DNAH9: variants seen among roughly 807,000 people sequenced by gnomAD.
DNAH9 encodes DNAH9 variant protein.
In DNAH9, 345 loss-of-function variants were observed where a neutral mutation model predicts 471.6. That is an observed-to-expected ratio of 0.73 (90% confidence interval 0.67 to 0.80). The LOEUF (loss-of-function observed/expected upper bound fraction) is 0.80. Among genes scored for constraint, DNAH9 ranks in the 30% least tolerant of loss-of-function variants. The pLI is 0.00. For synonymous variants in DNAH9, 2,093 were observed against 2,123.6 expected, an observed-to-expected ratio of 0.99 and a Z score of 0.40; for missense variants, 5,407 against 5,609.2, an observed-to-expected ratio of 0.96 and a Z score of 1.15.
chr17:11,769,413 C>T, intron 38 of DNAH9, 84 bp downstream of exon 38: 1 of 1,281,356 alleles, frequency 7.8e-7, no homozygotes, highest in Non-Finnish European at 1.1e-6. Context: ...CGTCAGGTGC[C>T]TGCCTGACTT....
intron 61 of DNAH9, among the ~76,000 whole-genome samples, chr17:11,912,569 G>C (rs1973825086): frequency 6.6e-6 from 1 of 152,056 alleles, no homozygotes; most frequent in Non-Finnish European, 1.5e-5. Flanking sequence ...GTAGTAATAA[G>C]ATAGTTGTTT....
chr17:11,698,319 AAT>A (rs924871479), intron 22 of DNAH9, among the ~76,000 whole-genome samples: 1 of 139,554 alleles, frequency 7.2e-6, no homozygotes, highest in African/African-American at 2.7e-5. Context: ...AGAAAATAAT[AAT>A]ATATTAATAT....
intron 26 of DNAH9, among the ~76,000 whole-genome samples, chr17:11,708,014 CAGAGAGAGAGAGAG>C (rs34314090): frequency 9.6e-5 from 5 of 52,212 alleles, no homozygotes; most frequent in African/African-American, 2.9e-4. Context: ...CACACACACA[CAGAGAGAGAGAGAG>C]AGAGAGAGAG....
chr17:11,807,087 T>G (rs541905837), intron 43 of DNAH9, among the ~76,000 whole-genome samples: 151 of 152,174 alleles, frequency 9.9e-4, no homozygotes, highest in African/African-American at 3.6e-3. Flanking sequence ...GCAGTAAGGC[T>G]GTGAAGGGAG....
chr17:11,631,589 C>A (rs1378753928), intron 7 of DNAH9, among the ~76,000 whole-genome samples: 3 of 145,338 alleles, frequency 2.1e-5, no homozygotes, highest in African/African-American at 7.8e-5. Context: ...TGCAGTGAGC[C>A]AAGATTGTGC....
chr17:11,610,255 T>C (rs1011768481), intron 2 of DNAH9, 141 bp from the exon 3 acceptor site: 1 of 635,372 alleles, frequency 1.6e-6, no homozygotes, highest in Non-Finnish European at 2.6e-6. Context: ...TCCAAAAAAG[T>C]TAAGAATGCA....
At chr17:11,889,993 T>C (rs1159231968) in intron 57 of DNAH9, among the ~76,000 whole-genome samples, 2 of 152,194 alleles carry the variant, frequency 1.3e-5, no homozygotes, top group Non-Finnish European at 2.9e-5. Flanking sequence ...TTTCTTGTTT[T>C]AGGACAGAAA....
chr17:11,623,468 C>T lies in DNAH9; in HGVS notation c.1350+3687C>T, dbSNP rs764406329. On this transcript the variant is annotated intron_variant, in intron 6 of 68. Transcript: ENST00000262442. This position sits in a 1 kb window ranked among gnomAD's most constrained non-coding sequence, Gnocchi z 4.1. ...TGCCCCTTTTCCTCATATTTCCTCCCCTCTTTTATTTTTAATCTCCCAAAT... is the reference window on the plus strand; with the variant it reads ...TGCCCCTTTTCCTCATATTTCCTCCTCTCTTTTATTTTTAATCTCCCAAAT... 2.8e-4 allele frequency among the ~76,000 whole-genome samples: 42 copies of T among 152,020 alleles called. No homozygotes were observed. The highest frequency in any genetic ancestry group is 2.1e-4 in the South Asian group (1 of 4,808).
intron 44 of DNAH9, among the ~76,000 whole-genome samples, chr17:11,809,435 C>T (rs1969806983): frequency 6.6e-6 from 1 of 152,098 alleles, no homozygotes; most frequent in Middle Eastern, 3.4e-3. Flanking sequence ...GGCGTTGTGG[C>T]ACGCACCTGT....
At chr17:11,807,695 T>A (rs1003584551) in intron 43 of DNAH9, 37 bp from the exon 44 acceptor site, 2 of 1,576,502 alleles carry the variant, frequency 1.3e-6, no homozygotes, top group Admixed American at 1.7e-5. Flanking sequence ...GCAGAAAGTC[T>A]GATCAAAGCA....
At chr17:11,673,766 C>G (rs140639864) in intron 17 of DNAH9, among the ~76,000 whole-genome samples, 85 of 152,112 alleles carry the variant, frequency 5.6e-4, no homozygotes, top group African/African-American at 2.0e-3. Flanking sequence ...AAGTTTAAAT[C>G]CTTCTCCCTC....
At chr17:11,928,701 A>G (rs1248047838) in intron 62 of DNAH9, among the ~76,000 whole-genome samples, 1 of 152,262 alleles carries the variant, frequency 6.6e-6, no homozygotes, top group Non-Finnish European at 1.5e-5. Flanking sequence ...GCAATGACTC[A>G]GTGTGTTTCA....
chr17:11,966,143 C>G (rs1167347141), intron 68 of DNAH9, among the ~76,000 whole-genome samples: 8 of 152,138 alleles, frequency 5.3e-5, no homozygotes. Context: ...GTAGAACAAA[C>G]TCAGAGATCC....
chr17:11,774,292 T>C (rs1968334567), intron 38 of DNAH9, among the ~76,000 whole-genome samples: 1 of 151,862 alleles, frequency 6.6e-6, no homozygotes, highest in Admixed American at 6.6e-5. Context: ...ATAAAATACA[T>C]AGTGTTGCAT....
At chr17:11,797,453 G>A (rs1368871002) in intron 42 of DNAH9, 144 bp from the exon 43 acceptor site, 1 of 615,094 alleles carries the variant, frequency 1.6e-6, no homozygotes, top group African/African-American at 1.9e-5. Flanking sequence ...CACTTAAAAG[G>A]GCTTCTCAAG....
At chr17:11,601,422 G>A (rs1004203713) in intron 1 of DNAH9, among the ~76,000 whole-genome samples, 2 of 152,132 alleles carry the variant, frequency 1.3e-5, no homozygotes, top group African/African-American at 4.8e-5. Flanking sequence ...CCACAAGAAG[G>A]AGAAACAGTA....
Position 11,675,337 on chromosome 17 carries a change from A to G in DNAH9, c.3354-4420A>G, listed in dbSNP as rs182024049. 4.0e-3 allele frequency among the ~76,000 whole-genome samples: 607 copies of G among 152,254 alleles called. 3 individuals carry two copies. Among genetic ancestry groups the G allele is most frequent in the African/African-American group, 0.014 (565 of 41,554 alleles). On this transcript the variant is annotated intron_variant, in intron 17 of 68. Coordinates refer to ENST00000262442, the MANE Select transcript of DNAH9 (RefSeq NM_001372.4). ...TTAATAATTTTGATAATTCATCTGTACATTCTTTGGTGTTTGCAACGTACA... is the reference window on the plus strand; with the variant it reads ...TTAATAATTTTGATAATTCATCTGTGCATTCTTTGGTGTTTGCAACGTACA...
At chr17:11,612,311 C>T (rs2072655896) in intron 4 of DNAH9, 2 of 204,042 alleles carry the variant, frequency 9.8e-6, no homozygotes, top group Non-Finnish European at 2.0e-5. Context: ...GGCTGGGACC[C>T]CTCATTAACT....
At chr17:11,899,759 C>T (rs1353653595) in intron 59 of DNAH9, among the ~76,000 whole-genome samples, 17 of 152,134 alleles carry the variant, frequency 1.1e-4, no homozygotes, top group Non-Finnish European at 1.0e-4. Context: ...AAGTCAGCTC[C>T]TCGGCACAGA....
Sources: allele counts gnomAD v4.1 joint callset (sites outside exome capture counted in the v4.1 genomes callset), GRCh38; gene constraint gnomAD v4.1.1; non-coding constraint Gnocchi (gnomAD v3.1); transcripts MANE v1.5; gene names NCBI Gene and HGNC (gene_info 2026-07-23, HGNC 2026-07-21).